OR14I1: variants seen among roughly 807,000 people sequenced by gnomAD.
OR14I1 encodes the protein olfactory receptor family 14 subfamily I member 1.
For synonymous variants in OR14I1, 118 were observed against 71.1 expected (o/e 1.66, Z -3.32); for missense variants, 279 against 181.8 (o/e 1.53, Z -3.07).
chr1:248,691,031 A>G, the OR14I1 span, among the ~76,000 whole-genome samples: 3 of 152,344 alleles, frequency 2.0e-5, no homozygotes, highest in Non-Finnish European at 4.4e-5. Context: ...GGCCTTTTTT[A>G]AGGCTGAGTA....
chr1:248,684,151 C>T (rs561220186), upstream of OR14I1, among the ~76,000 whole-genome samples: 13 of 152,328 alleles, frequency 8.5e-5, no homozygotes, highest in South Asian at 2.7e-3. Context: ...TATAAAAACA[C>T]ATTAGCATAA....
the OR14I1 span, among the ~76,000 whole-genome samples, chr1:248,699,613 A>T: frequency 1.3e-5 from 2 of 152,128 alleles, no homozygotes; most frequent in African/African-American, 4.8e-5. Flanking sequence ...GAGGGATGGA[A>T]AGTGCTGCCC....
the OR14I1 span, among the ~76,000 whole-genome samples, chr1:248,693,165 C>G: frequency 2.6e-5 from 4 of 152,182 alleles, no homozygotes; most frequent in African/African-American, 9.7e-5. Context: ...CCAGGGCATC[C>G]TGCATCACCT....
downstream of OR14I1, among the ~76,000 whole-genome samples, chr1:248,680,623 C>A (rs1243164293): frequency 6.6e-6 from 1 of 152,134 alleles, no homozygotes; most frequent in Admixed American, 6.5e-5. Context: ...CAGCAGTGAC[C>A]AAGAACTCAG....
the OR14I1 span, among the ~76,000 whole-genome samples, chr1:248,688,281 G>C: frequency 6.6e-6 from 1 of 152,352 alleles, no homozygotes; most frequent in African/African-American, 2.4e-5. Flanking sequence ...TAAAGGCAAG[G>C]CTTCTGTAGA....
the OR14I1 span, among the ~76,000 whole-genome samples, chr1:248,696,864 A>G: frequency 2.8e-4 from 43 of 151,932 alleles, no homozygotes; most frequent in African/African-American, 1.0e-3. Flanking sequence ...TAGTAACTCT[A>G]GTGTTATTGG....
chr1:248,702,454 A>G, the OR14I1 span, among the ~76,000 whole-genome samples: 1 of 152,172 alleles, frequency 6.6e-6, no homozygotes, highest in East Asian at 1.9e-4. Context: ...CTTTTCTCAC[A>G]TTCCACATCA....
the OR14I1 span, among the ~76,000 whole-genome samples, chr1:248,687,368 T>C: frequency 1.3e-5 from 2 of 152,208 alleles, no homozygotes; most frequent in African/African-American, 4.8e-5. Flanking sequence ...CCTGTTTCTG[T>C]ATTGCACATA....
the OR14I1 span, chr1:248,692,872 G>A: frequency 6.6e-6 from 1 of 152,138 alleles, no homozygotes; most frequent in Non-Finnish European, 1.5e-5. Flanking sequence ...CATGTAATAA[G>A]CTCTCATTAA....
chr1:248,693,172 ACCTCCCAAGCCAG>A, the OR14I1 span, among the ~76,000 whole-genome samples: 23 of 152,072 alleles, frequency 1.5e-4, no homozygotes, highest in South Asian at 4.8e-3. Flanking sequence ...ATCCTGCATC[ACCTCCCAAGCCAG>A]CCTCCCACGT....
chr1:248,702,492 A>G, the OR14I1 span, among the ~76,000 whole-genome samples: 1 of 152,036 alleles, frequency 6.6e-6, no homozygotes. Flanking sequence ...TGCTGTATCT[A>G]CTTTCAGAGT....
upstream of OR14I1, among the ~76,000 whole-genome samples, chr1:248,686,058 T>C (rs1040687553): frequency 3.9e-5 from 6 of 152,166 alleles, no homozygotes; most frequent in African/African-American, 1.4e-4. Flanking sequence ...TTCATATACA[T>C]ATGTGCATCA....
At chr1:248,699,671 G>A in the OR14I1 span, among the ~76,000 whole-genome samples, 1 of 152,230 alleles carries the variant, frequency 6.6e-6, no homozygotes, top group African/African-American at 2.4e-5. Context: ...CCAGCTCTGT[G>A]ATGGAAAACA....
the OR14I1 span, among the ~76,000 whole-genome samples, chr1:248,687,426 C>T: frequency 6.6e-6 from 1 of 152,218 alleles, no homozygotes; most frequent in African/African-American, 2.4e-5. Context: ...TCATGCTTCT[C>T]ATCTTCCTCC....
the OR14I1 span, among the ~76,000 whole-genome samples, chr1:248,694,617 G>T: frequency 6.6e-6 from 1 of 152,010 alleles, no homozygotes; most frequent in Non-Finnish European, 1.5e-5. Context: ...GTCTATGGTG[G>T]TATTCATCTC....
exon 1 of OR14I1, chr1:248,681,763 T>C (rs768527153): frequency 1.0e-5 from 8 of 780,844 alleles, no homozygotes; most frequent in Non-Finnish European, 1.9e-5. Context: ...GGCCAACACA[T>C]GAGGGATGTC....
chr1:248,696,831 C>G, the OR14I1 span, among the ~76,000 whole-genome samples: 2 of 152,122 alleles, frequency 1.3e-5, no homozygotes, highest in East Asian at 1.9e-4. Flanking sequence ...TGAAAATGAG[C>G]TCCATAATGG....
At chr1:248,685,540 C>T (rs190581257), upstream of OR14I1, among the ~76,000 whole-genome samples, 124 of 152,162 alleles carry the variant, frequency 8.1e-4, no homozygotes, top group African/African-American at 2.7e-3. Context: ...AAAACTGCCA[C>T]GTGGCCAATT....
the OR14I1 span, among the ~76,000 whole-genome samples, chr1:248,695,737 C>T: frequency 2.0e-5 from 3 of 152,142 alleles, no homozygotes; most frequent in Admixed American, 2.0e-4. Flanking sequence ...CCTTCTCCTA[C>T]CCCGGGTGGA....
Sources: gnomAD v4.1 joint callset for allele counts (sites outside exome capture counted in the v4.1 genomes callset) on GRCh38, gnomAD v4.1.1 for gene constraint, MANE v1.5 for transcripts, NCBI Gene and HGNC (gene_info 2026-07-23, HGNC 2026-07-21) for gene names.